The following CFAP20DC variants were observed in gnomAD, a reference collection of about 807,000 sequenced individuals.
CFAP20DC encodes CFAP20 domain containing.
A neutral mutation model predicts 101.7 loss-of-function variants in CFAP20DC; 84 were observed. The observed-to-expected ratio is 0.83, with a 90% confidence interval of 0.69 to 0.99. CFAP20DC has a LOEUF of 0.99. CFAP20DC is among the 50% of genes least tolerant of loss of function. The pLI is 0.00. For synonymous variants in CFAP20DC, 359 were observed against 351.2 expected (o/e 1.02, Z -0.25); for missense variants, 1,007 against 970.3 (o/e 1.04, Z -0.50).
rs944811038 is a variant in CFAP20DC at position 58,859,906 on chromosome 3, C to T, written c.1593+3652G>A. On this transcript the variant is annotated intron_variant, in intron 12 of 16. Transcript: ENST00000482387. The surrounding 1 kb of genome is among the most constrained non-coding windows in gnomAD (Gnocchi z 4.1). ...TTAAAAATCATTACTTGGCCAGGCGCGATGGCTCATGCCTGTAATCCCAGC... is the reference window on the plus strand; with the variant it reads ...TTAAAAATCATTACTTGGCCAGGCGTGATGGCTCATGCCTGTAATCCCAGC... Among the ~76,000 whole-genome samples the T allele has an allele frequency of 3.3e-5, 5 of 152,058 alleles. No homozygotes were observed. Among genetic ancestry groups the T allele is most frequent in the Non-Finnish European group, 5.9e-5 (4 of 68,014 alleles).
rs762624379 is a variant in CFAP20DC at position 59,002,961 on chromosome 3, T to C, written c.278+36596A>G. Among the ~76,000 whole-genome samples, 7 of 152,198 alleles carry C rather than the reference T, an allele frequency of 4.6e-5. No homozygotes were observed. The highest frequency in any genetic ancestry group is 1.0e-4 in the Non-Finnish European group (7 of 68,028). On this transcript the variant is annotated intron_variant, in intron 4 of 16. Transcript: ENST00000482387. This position sits in a 1 kb window ranked among gnomAD's most constrained non-coding sequence, Gnocchi z 4.5. ...TGGTTACTGACAGAGCTATAATGCA[T>C]CCAAGATTTCTGACTGAATATCCAA...
intron 16 of CFAP20DC, among the ~76,000 whole-genome samples, chr3:58,746,429 T>A (rs916855279): frequency 1.3e-5 from 2 of 152,168 alleles, no homozygotes; most frequent in Non-Finnish European, 2.9e-5. Context: ...AAAAGATACA[T>A]TTTTAAGCTG....
intron 5 of CFAP20DC, among the ~76,000 whole-genome samples, chr3:58,935,799 A>G (rs1198582438): frequency 2.0e-5 from 3 of 152,246 alleles, no homozygotes; most frequent in Non-Finnish European, 4.4e-5. Context: ...CTTAAACGTT[A>G]GATCTAAAAC....
At chr3:58,734,712 C>A (rs1407033629) in intron 3 of CFAP20DC, among the ~76,000 whole-genome samples, 1 of 152,194 alleles carries the variant, frequency 6.6e-6, no homozygotes, top group Admixed American at 6.5e-5. Context: ...CTCCATTCTT[C>A]CTTTCCCTTT....
chr3:58,867,121 T>A (rs571727712), intron 10 of CFAP20DC, among the ~76,000 whole-genome samples: 15 of 152,302 alleles, frequency 9.8e-5, no homozygotes, highest in African/African-American at 3.6e-4. Context: ...GCAAAATTAA[T>A]TTTTCTATCT....
At chr3:58,796,303 C>T (rs113351547) in intron 15 of CFAP20DC, among the ~76,000 whole-genome samples, 1 of 152,182 alleles carries the variant, frequency 6.6e-6, no homozygotes, top group Non-Finnish European at 1.5e-5. Flanking sequence ...GGAATAGTGC[C>T]CCCTGGAGTT....
At chr3:58,823,568 G>A (rs1318638233) in intron 14 of CFAP20DC, among the ~76,000 whole-genome samples, 1 of 152,084 alleles carries the variant, frequency 6.6e-6, no homozygotes, top group Non-Finnish European at 1.5e-5. Flanking sequence ...CAACAGAAGA[G>A]GAAATTGACA....
Position 58,863,777 on chromosome 3 carries a change from G to C in CFAP20DC, c.1374C>G (p.Ser458Arg). The change falls in exon 12 of 17, where the codon AGC (serine) becomes AGG (arginine). Residue 458 changes from serine (S) to arginine (R), a missense_variant. Physicochemically the swap from Ser to Arg is moderately radical, Grantham distance 110 (BLOSUM62 -1). Transcript: ENST00000482387. The surrounding 1 kb of genome is among the most constrained non-coding windows in gnomAD (Gnocchi z 5.9). The stretch of plus-strand genomic sequence containing the variant: ...CCTGCTGGTCGTGTTCACTCTCTTT[G>C]CTGGCTTCCAGCCACAGGTGTGATG... ...CNPSHLWLEA[S>R]KESEHDQQAE... 1 of 1,614,188 alleles carries C rather than the reference G, an allele frequency of 6.2e-7. No homozygotes were observed. Among genetic ancestry groups the C allele is most frequent in the South Asian group, 1.1e-5 (1 of 91,084 alleles).
At chr3:59,012,453 G>A (rs572518075) in intron 4 of CFAP20DC, among the ~76,000 whole-genome samples, 26 of 151,804 alleles carry the variant, frequency 1.7e-4, no homozygotes, top group Non-Finnish European at 3.2e-4. Context: ...GACAGTATGT[G>A]ATAGTTTCCG....
rs1426062540 is a variant in CFAP20DC at position 58,960,051 on chromosome 3, G to T, written c.279-22289C>A. 3.9e-5 allele frequency among the ~76,000 whole-genome samples: 6 copies of T among 152,140 alleles called. No homozygotes were observed. The East Asian group carries it at 1.2e-3, about 29-fold the overall frequency. On this transcript the variant is annotated intron_variant, in intron 4 of 16. Coordinates refer to ENST00000482387, the MANE Select transcript of CFAP20DC (RefSeq NM_001394063.1). ...CCATGTCAACCAAATTGTCTATGGAGTTGGCATAAAGTTGTTCACAGTATT... is the reference window on the plus strand; with the variant it reads ...CCATGTCAACCAAATTGTCTATGGATTTGGCATAAAGTTGTTCACAGTATT...
chr3:58,834,373 A>G (rs531943331), intron 13 of CFAP20DC, among the ~76,000 whole-genome samples: 1 of 152,312 alleles, frequency 6.6e-6, no homozygotes, highest in East Asian at 1.9e-4. Flanking sequence ...TTGGCTCATC[A>G]TTGCCAATAC....
rs1218263741 is a variant in CFAP20DC at position 58,976,856 on chromosome 3, G to C, written c.279-39094C>G. ...AGTGCGTTCTGCCTGTGATGGGATG[G>C]TGTCCTGTCCAGGTGGGTTCCTGCC... On this transcript the variant is annotated intron_variant, in intron 4 of 16. Coordinates refer to ENST00000482387, the MANE Select transcript of CFAP20DC (RefSeq NM_001394063.1). Among the ~76,000 whole-genome samples the C allele has an allele frequency of 5.3e-5, 8 of 152,240 alleles. No homozygotes were observed. The East Asian group carries it at 1.2e-3, about 22-fold the overall frequency.
intron 7 of CFAP20DC, among the ~76,000 whole-genome samples, chr3:58,880,193 CT>C (rs1402813886): frequency 7.9e-5 from 12 of 152,174 alleles, no homozygotes; most frequent in Non-Finnish European, 1.5e-4. Flanking sequence ...CTCACTGCCC[CT>C]GTCTCTACTA....
chr3:58,953,287 G>A (rs555954870), intron 4 of CFAP20DC, among the ~76,000 whole-genome samples: 2 of 152,132 alleles, frequency 1.3e-5, no homozygotes, highest in Admixed American at 6.5e-5. Context: ...TTATTAAGAG[G>A]TGGGTCCTCT....
Position 59,049,651 on chromosome 3 carries a change from C to T in CFAP20DC, c.-20G>A, listed in dbSNP as rs948761116. The T allele has an allele frequency of 3.9e-6, 6 of 1,535,796 alleles. No homozygotes were observed. The highest frequency in any genetic ancestry group is 5.2e-6 in the Non-Finnish European group (6 of 1,146,670). On this transcript the variant is annotated 5_prime_UTR_variant, in exon 1 of 17. Transcript: ENST00000482387. ...GAACATTCCCGCAGGGGGCCCAGGG[C>T]TTGGGGGGCACAGAGTTCAGGGTTT... is the stretch of plus-strand genomic sequence containing the variant.
rs973222897 is a variant in CFAP20DC at position 58,862,908 on chromosome 3, A to T, written c.1593+650T>A. 18 of 975,702 alleles carry T rather than the reference A, an allele frequency of 1.8e-5. No homozygotes were observed. The South Asian group carries it at 8.5e-4, about 46-fold the overall frequency. The allele number at this position is 975,702 out of a possible 1,614,324, so 60.4% of individuals were successfully genotyped here. A position where few individuals can be genotyped will look rare whatever the true frequency, so the allele number is the denominator to read the frequency against. On this transcript the variant is annotated intron_variant, in intron 12 of 16. Coordinates refer to ENST00000482387, the MANE Select transcript of CFAP20DC (RefSeq NM_001394063.1). ...TTATCAATGTATTAGGTTTTAAACAAATATTTCCAAATTATATTCAGTTTG... is the reference window on the plus strand; with the variant it reads ...TTATCAATGTATTAGGTTTTAAACATATATTTCCAAATTATATTCAGTTTG...
intron 4 of CFAP20DC, among the ~76,000 whole-genome samples, chr3:58,959,936 A>C (rs1234958493): frequency 1.3e-5 from 2 of 152,222 alleles, no homozygotes; most frequent in East Asian, 3.9e-4. Flanking sequence ...TGTAATTTTC[A>C]GCATACAAAT....
At chr3:58,843,476 A>C (rs1485169863) in intron 13 of CFAP20DC, among the ~76,000 whole-genome samples, 6 of 151,404 alleles carry the variant, frequency 4.0e-5, no homozygotes, top group Non-Finnish European at 5.9e-5. Context: ...AAGAATAAAA[A>C]GAAATGAGCA....
At chr3:59,013,191 A>G (rs2093624158) in intron 4 of CFAP20DC, among the ~76,000 whole-genome samples, 1 of 152,146 alleles carries the variant, frequency 6.6e-6, no homozygotes, top group Admixed American at 6.6e-5. Flanking sequence ...GGCTAGCTAC[A>G]AGGGCTCTAG....
Sources: gnomAD v4.1 joint callset for allele counts (sites outside exome capture counted in the v4.1 genomes callset) on GRCh38, gnomAD v4.1.1 for gene constraint, Gnocchi (gnomAD v3.1) non-coding constraint, MANE v1.5 for transcripts, NCBI Gene and HGNC (gene_info 2026-07-23, HGNC 2026-07-21) for gene names.